SLC6A5: variants seen among roughly 807,000 people sequenced by gnomAD.
The protein encoded by SLC6A5 is sodium- and chloride-dependent glycine transporter 2.
A neutral mutation model predicts 90.5 loss-of-function variants in SLC6A5; 58 were observed. That is an observed-to-expected ratio of 0.64 (90% CI 0.52 to 0.80). The LOEUF (loss-of-function observed/expected upper bound fraction) is 0.80, where lower values mean the gene tolerates loss of function less well. Among genes scored for constraint, SLC6A5 ranks in the 30% least tolerant of loss-of-function variants. SLC6A5 has a pLI of 0.00. For missense variants in SLC6A5, 1,015 were observed against 1,017.6 expected, an observed-to-expected ratio of 1.00 and a Z score of 0.03; for synonymous variants, 427 against 401.4, an observed-to-expected ratio of 1.06 and a Z score of -0.76.
At chr11:20,617,671 T>C (rs2133788044) in intron 6 of SLC6A5, 81 bp from the exon 7 acceptor site, 1 of 1,260,818 alleles carries the variant, frequency 7.9e-7, no homozygotes, top group Admixed American at 1.7e-5. Context: ...CTGGCTCTAC[T>C]GGAGGCTTAA....
At chr11:20,637,811 T>A (rs1853238714) in intron 12 of SLC6A5, among the ~76,000 whole-genome samples, 1 of 152,240 alleles carries the variant, frequency 6.6e-6, no homozygotes, top group Non-Finnish European at 1.5e-5. Flanking sequence ...ATGATTAATG[T>A]CATGTATGAG....
At chr11:20,608,946 CTCTCTCTCTCTCTGTGTGTGTG>C (rs1218547982) in intron 5 of SLC6A5, among the ~76,000 whole-genome samples, 6 of 114,128 alleles carry the variant, frequency 5.3e-5, no homozygotes, top group African/African-American at 1.0e-4. Flanking sequence ...CTCTCTCTCT[CTCTCTCTCTCTCTGTGTGTGTG>C]TGTGTGTGTG....
chr11:20,617,411 C>A (rs926532637), intron 6 of SLC6A5, among the ~76,000 whole-genome samples: 3 of 152,216 alleles, frequency 2.0e-5, no homozygotes, highest in African/African-American at 7.2e-5. Context: ...TCACCCTTGA[C>A]GGTTCAGAGT....
At chr11:20,618,205 T>C (rs1416012684) in intron 7 of SLC6A5, among the ~76,000 whole-genome samples, 1 of 152,186 alleles carries the variant, frequency 6.6e-6, no homozygotes, top group African/African-American at 2.4e-5. Context: ...CTCCCTGATA[T>C]CATTCAGTCA....
chr11:20,640,435 C>T (rs1853290085), intron 13 of SLC6A5, among the ~76,000 whole-genome samples: 1 of 152,082 alleles, frequency 6.6e-6, no homozygotes, highest in African/African-American at 2.4e-5. Flanking sequence ...TTTCTTAGTT[C>T]TGAAGGAAAA....
chr11:20,624,975 T>C (rs1358635542), intron 7 of SLC6A5, among the ~76,000 whole-genome samples: 1 of 152,134 alleles, frequency 6.6e-6, no homozygotes, highest in African/African-American at 2.4e-5. Flanking sequence ...TTTGCAGGTG[T>C]GGACACTGAG....
chr11:20,632,310 C>T (rs1853123478), intron 10 of SLC6A5, among the ~76,000 whole-genome samples: 1 of 152,182 alleles, frequency 6.6e-6, no homozygotes, highest in African/African-American at 2.4e-5. Flanking sequence ...CTGCTAGAGA[C>T]TGTGAATCCT....
chr11:20,632,119 A>G (rs1220268843), intron 10 of SLC6A5, among the ~76,000 whole-genome samples: 4 of 152,088 alleles, frequency 2.6e-5, no homozygotes, highest in Non-Finnish European at 5.9e-5. Flanking sequence ...GCAGGGAGGG[A>G]AAGTGAGAGG....
At chr11:20,627,753 A>AT (rs1327278292) in intron 8 of SLC6A5, among the ~76,000 whole-genome samples, 1 of 152,188 alleles carries the variant, frequency 6.6e-6, no homozygotes, top group Non-Finnish European at 1.5e-5. Flanking sequence ...AGTGTAGTTT[A>AT]TTGAGTTCCT....
At chr11:20,621,009 G>A (rs919779404) in intron 7 of SLC6A5, among the ~76,000 whole-genome samples, 2 of 152,050 alleles carry the variant, frequency 1.3e-5, no homozygotes, top group Non-Finnish European at 2.9e-5. Flanking sequence ...CACCGTGTTG[G>A]CCAGGCTAGT....
In SLC6A5 at chr11:20,652,414, G is replaced by A. The variant is rs1374954017; in HGVS notation, c.2196G>A (p.Met732Ile). The A allele has an allele frequency of 1.1e-5, 18 of 1,614,052 alleles. No individual in the cohort carries two copies. Among genetic ancestry groups the A allele is most frequent in the Non-Finnish European group, 1.4e-5 (17 of 1,179,980 alleles). Reference protein sequence around the residue: ...LACSVIWIPIMFVIKMHLAPG... With the variant: ...LACSVIWIPIIFVIKMHLAPG... ...GTTCCGTCATCTGGATCCCAATTAT[G>A]TTTGTGATAAAAATGCATCTGGCCC... The change falls in exon 15 of 16, where the codon ATG (methionine) becomes ATA (isoleucine). Residue 732 changes from methionine (M) to isoleucine (I), a missense_variant. By Grantham distance (10) the Met-to-Ile change is conservative (BLOSUM62 1). Around this residue, in one of 3 missense-constraint regions of SLC6A5, gnomAD observed 442 missense variants for 494.3 expected, o/e 0.89. Transcript: ENST00000525748.
chr11:20,611,004 A>G (rs1441912763), intron 5 of SLC6A5, among the ~76,000 whole-genome samples: 1 of 152,200 alleles, frequency 6.6e-6, no homozygotes, highest in Non-Finnish European at 1.5e-5. Context: ...CTTTTGACTC[A>G]CTTCCTTGAA....
chr11:20,622,027 C>A (rs564964731), intron 7 of SLC6A5, among the ~76,000 whole-genome samples: 3,687 of 152,278 alleles, frequency 0.024, 163 homozygotes, highest in African/African-American at 0.083. Flanking sequence ...TTCAGGGGTC[C>A]CATGGTGAGA....
chr11:20,607,164 C>T, intron 4 of SLC6A5, 26 bp downstream of exon 4: 1 of 1,588,266 alleles, frequency 6.3e-7, no homozygotes, highest in Non-Finnish European at 8.6e-7. Flanking sequence ...CGCTCAGCCT[C>T]CTCAGGCCCT....
chr11:20,610,442 C>G (rs1474137798), intron 5 of SLC6A5, among the ~76,000 whole-genome samples: 1 of 152,224 alleles, frequency 6.6e-6, no homozygotes, highest in Non-Finnish European at 1.5e-5. Flanking sequence ...CAGAGACGCT[C>G]TCTAGTGAGG....
At chr11:20,609,536 TGTTTCC>T (rs1307029956) in intron 5 of SLC6A5, among the ~76,000 whole-genome samples, 1 of 152,366 alleles carries the variant, frequency 6.6e-6, no homozygotes, top group Non-Finnish European at 1.5e-5. Context: ...ATTGCCAGGC[TGTTTCC>T]CAAATGGTCA....
chr11:20,608,946 CTCTCTCTCTCTCTGTGTGTGTGTGTGTG>C (rs1442956220), intron 5 of SLC6A5, among the ~76,000 whole-genome samples: 1 of 114,162 alleles, frequency 8.8e-6, no homozygotes, highest in Non-Finnish European at 1.8e-5. Context: ...CTCTCTCTCT[CTCTCTCTCTCTCTGTGTGTGTGTGTGTG>C]TGTGTGTGTG....
At chr11:20,641,473 C>A (rs770283551) in intron 13 of SLC6A5, among the ~76,000 whole-genome samples, 21 of 151,804 alleles carry the variant, frequency 1.4e-4, no homozygotes, top group Admixed American at 1.3e-4. Context: ...CTGAACTCAG[C>A]AAGATTTTTT....
chr11:20,615,243 A>G, intron 6 of SLC6A5, among the ~76,000 whole-genome samples: 1 of 152,092 alleles, frequency 6.6e-6, no homozygotes, highest in East Asian at 1.9e-4. Flanking sequence ...GCTTTGCCTT[A>G]GTTTTGTATT....
Sources: gnomAD v4.1 joint callset for allele counts (sites outside exome capture counted in the v4.1 genomes callset) on GRCh38, gnomAD v4.1.1 for gene constraint, gnomAD v4.1.1 regional missense constraint, MANE v1.5 for transcripts, NCBI Gene and HGNC (gene_info 2026-07-23, HGNC 2026-07-21) for gene names.